The following HELZ variants were observed in gnomAD, a reference collection of about 807,000 sequenced individuals.
HELZ encodes ATP-dependent RNA helicase with zinc finger domain.
A neutral mutation model predicts 218.2 loss-of-function variants in HELZ; 23 were observed. That is an observed-to-expected ratio of 0.11 (90% CI 0.08 to 0.15). The LOEUF is 0.15. Among genes scored for constraint, HELZ ranks in the 10% least tolerant of loss-of-function variants. HELZ has a pLI of 1.00. For missense variants in HELZ, 1,813 were observed against 2,353.7 expected (o/e 0.77, Z 4.75); for synonymous variants, 814 against 829.4 (o/e 0.98, Z 0.32).
At chr17:67,224,656 G>A (rs2040842521) in intron 3 of HELZ, 1 of 648,864 alleles carries the variant, frequency 1.5e-6, no homozygotes, top group Non-Finnish European at 2.8e-6. Context: ...AAATGGCTTA[G>A]TGTGATATAT....
Position 67,188,196 on chromosome 17 carries a change from G to T in HELZ, c.1162+123C>A. On this transcript the variant is annotated intron_variant, in intron 12 of 32. Coordinates refer to ENST00000358691, the MANE Select transcript of HELZ (RefSeq NM_014877.4). This position sits in a 1 kb window ranked among gnomAD's most constrained non-coding sequence, Gnocchi z 4.1. ...ATTACACAGTAAATGAGTCAATTAA[G>T]TTGGGATTTTTTTCTTTATTACTAT... 1 of 892,610 alleles carries T rather than the reference G, an allele frequency of 1.1e-6. No individual in the cohort carries two copies. Among genetic ancestry groups the T allele is most frequent in the Non-Finnish European group, 1.7e-6 (1 of 582,436 alleles). 55.3% of individuals were successfully genotyped at this position (892,610 alleles called of 1,614,324 possible).
At chr17:67,145,911 A>G in intron 20 of HELZ, 21 bp from the exon 21 acceptor site, 5 of 1,592,352 alleles carry the variant, frequency 3.1e-6, no homozygotes, top group South Asian at 1.2e-5. Context: ...AGACAAAAAG[A>G]AAAAAGGGGG....
intron 27 of HELZ, 125 bp downstream of exon 27, chr17:67,120,280 C>T (rs1209642800): frequency 1.3e-6 from 1 of 771,702 alleles, no homozygotes; most frequent in African/African-American, 1.7e-5. Flanking sequence ...CTGGTAGATT[C>T]TCTCTCAAAG....
At chr17:67,181,246 A>C (rs2039603761) in intron 12 of HELZ, among the ~76,000 whole-genome samples, 1 of 152,202 alleles carries the variant, frequency 6.6e-6, no homozygotes, top group African/African-American at 2.4e-5. Context: ...TACTTTAAAA[A>C]GTCACTAGTT....
At chr17:67,218,877 T>C in intron 3 of HELZ, 55 bp from the exon 4 acceptor site, 1 of 1,282,652 alleles carries the variant, frequency 7.8e-7, no homozygotes, top group Non-Finnish European at 1.1e-6. Flanking sequence ...TAATTATAAA[T>C]TCTAGCCCCA....
chr17:67,176,465 C>G (rs1286926269), intron 13 of HELZ: 1 of 152,190 alleles, frequency 6.6e-6, no homozygotes, highest in East Asian at 1.9e-4. Flanking sequence ...TATGATCCCC[C>G]ATATGTGGAA....
intron 3 of HELZ, among the ~76,000 whole-genome samples, chr17:67,231,966 T>C (rs2041047929): frequency 6.7e-6 from 1 of 149,454 alleles, no homozygotes; most frequent in Non-Finnish European, 1.5e-5. Context: ...GGCAGGAGAA[T>C]TGCTTGAACT....
intron 17 of HELZ, among the ~76,000 whole-genome samples, chr17:67,154,822 T>C (rs943514631): frequency 4.6e-5 from 7 of 152,312 alleles, no homozygotes; most frequent in Admixed American, 1.3e-4. Context: ...TCATAAGCTA[T>C]GTATAATCAT....
At chr17:67,228,339 A>T (rs2040945936) in intron 3 of HELZ, among the ~76,000 whole-genome samples, 1 of 152,232 alleles carries the variant, frequency 6.6e-6, no homozygotes, top group Non-Finnish European at 1.5e-5. Flanking sequence ...TTTTTAAGTT[A>T]GTTATTTGCC....
chr17:67,232,683 C>A, intron 3 of HELZ, among the ~76,000 whole-genome samples: 1 of 152,202 alleles, frequency 6.6e-6, no homozygotes, highest in Admixed American at 6.5e-5. Context: ...CACCAGATTA[C>A]TTTTGCTTCA....
chr17:67,190,774 A>G (rs185137330), intron 9 of HELZ, among the ~76,000 whole-genome samples: 1 of 152,222 alleles, frequency 6.6e-6, no homozygotes, highest in East Asian at 1.9e-4. Context: ...GCAGTGGCGT[A>G]ATCTCGACTC....
At chr17:67,180,920 G>A (rs1335656796) in intron 12 of HELZ, among the ~76,000 whole-genome samples, 1 of 149,362 alleles carries the variant, frequency 6.7e-6, no homozygotes, top group Non-Finnish European at 1.5e-5. Context: ...AGGCATGATG[G>A]CATGCACGTG....
At chr17:67,078,762 G>T (rs1487113964) in intron 32 of HELZ, among the ~76,000 whole-genome samples, 176 bp from the exon 33 acceptor site, 2 of 152,046 alleles carry the variant, frequency 1.3e-5, no homozygotes, top group Non-Finnish European at 2.9e-5. Flanking sequence ...CCAACCAAAC[G>T]TCCCTATCTT....
At chr17:67,138,402 C>A (rs1411351921) in intron 21 of HELZ, among the ~76,000 whole-genome samples, 1 of 151,998 alleles carries the variant, frequency 6.6e-6, no homozygotes, top group African/African-American at 2.4e-5. Context: ...TAGGGAGGAA[C>A]AAGCTCAAGT....
chr17:67,224,855 A>C, intron 3 of HELZ: 1 of 909,456 alleles, frequency 1.1e-6, no homozygotes. Flanking sequence ...TATGACATGA[A>C]ACAGAGTGGC....
intron 21 of HELZ, 45 bp from the exon 22 acceptor site, chr17:67,138,159 G>A (rs1470836755): frequency 1.4e-6 from 2 of 1,406,334 alleles, no homozygotes; most frequent in Non-Finnish European, 1.9e-6. Context: ...TATCACCAAT[G>A]TTTGGAGAAA....
At chr17:67,200,110 C>T (rs1299583768) in intron 7 of HELZ, among the ~76,000 whole-genome samples, 1 of 152,168 alleles carries the variant, frequency 6.6e-6, no homozygotes, top group African/African-American at 2.4e-5. Context: ...AAGCATAGTA[C>T]CTAGCACATA....
In HELZ at chr17:67,085,856, T is replaced by C. The variant is rs538363331; in HGVS notation, c.5494+973A>G. On this transcript the variant is annotated intron_variant, in intron 32 of 32. Coordinates refer to ENST00000358691, the MANE Select transcript of HELZ (RefSeq NM_014877.4). ...CAGAGGAAAGATCAAAGCGCATTCA[T>C]CTTTAAGGCTAAAGAGGAAGACTCT... Among the ~76,000 whole-genome samples, 11 of 152,358 alleles carry C rather than the reference T, an allele frequency of 7.2e-5. No homozygotes were observed. In the South Asian group the frequency reaches 2.3e-3, roughly 32 times the overall value.
intron 23 of HELZ, 66 bp downstream of exon 23, chr17:67,135,904 A>G (rs1027398193): frequency 6.0e-5 from 76 of 1,269,624 alleles, no homozygotes; most frequent in Non-Finnish European, 7.9e-5. Context: ...ATGAATAAAT[A>G]TACACATAGG....
Sources: gnomAD v4.1 joint callset for allele counts (sites outside exome capture counted in the v4.1 genomes callset) on GRCh38, gnomAD v4.1.1 for gene constraint, Gnocchi (gnomAD v3.1) non-coding constraint, MANE v1.5 for transcripts, NCBI Gene and HGNC (gene_info 2026-07-23, HGNC 2026-07-21) for gene names.